Variants in SOX6 observed in about 807,000 individuals in gnomAD.
SOX6 encodes the protein SRY-box transcription factor 6, also known as transcription factor SOX-6.
SOX6 carries 11 observed loss-of-function variants against 97.8 expected under a neutral mutation model. The ratio of observed to expected loss-of-function variants is 0.11; its 90% CI spans 0.07 to 0.19. The LOEUF (loss-of-function observed/expected upper bound fraction) is 0.19, where lower values mean the gene tolerates loss of function less well. SOX6 is among the 10% of genes least tolerant of loss of function. The pLI, the probability that SOX6 is intolerant of heterozygous loss-of-function variation, is 1.00. For missense variants in SOX6, 810 were observed against 1,039.5 expected, an observed-to-expected ratio of 0.78 and a Z score of 3.04; for synonymous variants, 360 against 371.4, an observed-to-expected ratio of 0.97 and a Z score of 0.35.
At chr11:16,019,166 G>C (rs1263518419) in intron 12 of SOX6, among the ~76,000 whole-genome samples, 1 of 152,098 alleles carries the variant, frequency 6.6e-6, no homozygotes, top group African/African-American at 2.4e-5. Context: ...AGACTGACCA[G>C]TGTGTACCAG....
At position 16,234,646 on chromosome 11, in the gene SOX6, A is replaced by G. The variant is rs777509203; in HGVS notation, c.471T>C (p.Leu157=). The change falls in exon 4 of 16, where the codon CTT becomes CTC. Residue 157 remains leucine (L), a synonymous_variant. Transcript: ENST00000683767. The part of the protein sequence containing the change: ...QEDSSCMEKL[L]SKDWKEKMER... ...CCATTTTTTCCTTCCAATCTTTTGA[A>G]AGTAGTTTTTCCATGCAGGAGGAAT... 1 of 1,595,100 alleles carries G rather than the reference A, an allele frequency of 6.3e-7. No individual in the cohort carries two copies. The highest frequency in any genetic ancestry group is 1.1e-5 in the South Asian group (1 of 89,480).
At chr11:16,537,270 A>G (rs1216584483) in intron 4 of SOX6, among the ~76,000 whole-genome samples, 4 of 152,214 alleles carry the variant, frequency 2.6e-5, no homozygotes, top group Non-Finnish European at 1.5e-5. Context: ...AGAAAGGAAT[A>G]GCATCAACAT....
intron 4 of SOX6, among the ~76,000 whole-genome samples, chr11:16,515,398 G>C (rs1303952137): frequency 6.8e-6 from 1 of 147,210 alleles, no homozygotes; most frequent in South Asian, 2.2e-4. Context: ...GGGGTTGTTT[G>C]TTTTTTTCTT....
intron 6 of SOX6, among the ~76,000 whole-genome samples, chr11:16,149,506 A>T (rs942038886): frequency 6.6e-6 from 1 of 152,122 alleles, no homozygotes; most frequent in Non-Finnish European, 1.5e-5. Context: ...GTCATTAAAG[A>T]CCATAAATTC....
At chr11:16,053,983 A>G (rs1220936691) in intron 10 of SOX6, among the ~76,000 whole-genome samples, 3 of 152,150 alleles carry the variant, frequency 2.0e-5, no homozygotes, top group Non-Finnish European at 4.4e-5. Context: ...AAAAAATCTA[A>G]TAAGTAAAAG....
chr11:16,190,852 G>A (rs140179189), intron 4 of SOX6, among the ~76,000 whole-genome samples: 2,140 of 152,210 alleles, frequency 0.014, 17 homozygotes, highest in Non-Finnish European at 0.022. Context: ...CGGGTATAAT[G>A]GTTTGAAGCC....
intron 3 of SOX6, among the ~76,000 whole-genome samples, chr11:16,701,624 G>A (rs1245058452): frequency 6.6e-6 from 1 of 151,920 alleles, no homozygotes; most frequent in East Asian, 1.9e-4. Context: ...TTGGGAGGCC[G>A]AGGCAGGCGG....
At position 15,966,867 on chromosome 11, in the gene SOX6, C is replaced by T. The variant is rs1386015610; in HGVS notation, c.*5942G>A. On this transcript the variant is annotated 3_prime_UTR_variant, in exon 16 of 16. Coordinates refer to ENST00000683767, the MANE Select transcript of SOX6 (RefSeq NM_001367873.1). ...ACAAAATCCAAGAAGTTTGTGTATG[C>T]AACAAAGCTAAGAACAATGATTCAT... is the stretch of plus-strand genomic sequence containing the variant. 2 of 152,140 alleles carry T rather than the reference C, an allele frequency of 1.3e-5. No homozygotes were observed. The highest frequency in any genetic ancestry group is 2.9e-5 in the Non-Finnish European group (2 of 68,016). 9.4% of individuals were successfully genotyped at this position (152,140 alleles called of 1,614,324 possible).
intron 9 of SOX6, among the ~76,000 whole-genome samples, chr11:16,060,838 T>C (rs1426687449): frequency 1.3e-5 from 2 of 151,884 alleles, no homozygotes; most frequent in Admixed American, 6.6e-5. Flanking sequence ...TTAAACTTCA[T>C]GTGTAATTAT....
chr11:16,266,371 A>C (rs1051402881), intron 3 of SOX6, among the ~76,000 whole-genome samples: 6 of 151,706 alleles, frequency 4.0e-5, no homozygotes, highest in Non-Finnish European at 5.9e-5. Flanking sequence ...AATTTTAGAC[A>C]CATAAAAGCT....
At chr11:16,666,519 T>G (rs1436467419) in intron 3 of SOX6, among the ~76,000 whole-genome samples, 1 of 152,108 alleles carries the variant, frequency 6.6e-6, no homozygotes, top group South Asian at 2.1e-4. Flanking sequence ...TGAAAATATA[T>G]AGTCGGCTGG....
At chr11:16,302,347 T>A (rs1334079477) in intron 3 of SOX6, among the ~76,000 whole-genome samples, 2 of 152,144 alleles carry the variant, frequency 1.3e-5, no homozygotes, top group Admixed American at 6.5e-5. Context: ...CCTGTCCTAG[T>A]CACACCAAAC....
chr11:16,026,717 A>G, intron 12 of SOX6, among the ~76,000 whole-genome samples: 1 of 152,190 alleles, frequency 6.6e-6, no homozygotes, highest in South Asian at 2.1e-4. Flanking sequence ...GATGTCACAA[A>G]TGAGTATTCA....
At chr11:16,134,830 A>G (rs547406393) in intron 6 of SOX6, among the ~76,000 whole-genome samples, 13 of 152,294 alleles carry the variant, frequency 8.5e-5, no homozygotes, top group African/African-American at 2.4e-4. Flanking sequence ...AATTAGGCCA[A>G]TTAATAACTC....
chr11:16,381,744 C>T (rs1399127836), intron 1 of SOX6, among the ~76,000 whole-genome samples: 4 of 151,804 alleles, frequency 2.6e-5, no homozygotes, highest in East Asian at 1.9e-4. Flanking sequence ...CATCTTTCAC[C>T]GACTTCCATA....
At chr11:16,303,324 T>A (rs1245218481) in intron 3 of SOX6, among the ~76,000 whole-genome samples, 2 of 152,202 alleles carry the variant, frequency 1.3e-5, no homozygotes, top group African/African-American at 4.8e-5. Context: ...AGACTAAAGA[T>A]ATGGTATGTG....
intron 1 of SOX6, among the ~76,000 whole-genome samples, chr11:16,395,764 A>T (rs1858335839): frequency 6.6e-6 from 1 of 151,864 alleles, no homozygotes; most frequent in Admixed American, 6.6e-5. Context: ...TTTAAGAAGC[A>T]TGGGAATGAA....
chr11:16,122,338 T>C (rs1849513339), intron 6 of SOX6, among the ~76,000 whole-genome samples: 1 of 152,030 alleles, frequency 6.6e-6, no homozygotes, highest in South Asian at 2.1e-4. Context: ...CCCTGTCTTA[T>C]TTCCAGAGAA....
intron 4 of SOX6, among the ~76,000 whole-genome samples, chr11:16,562,055 C>T (rs1195957335): frequency 6.6e-6 from 1 of 152,136 alleles, no homozygotes; most frequent in Non-Finnish European, 1.5e-5. Context: ...CTCTAATTCT[C>T]ACAAGTATAC....
Sources: gnomAD v4.1 joint callset for allele counts (sites outside exome capture counted in the v4.1 genomes callset) on GRCh38, gnomAD v4.1.1 for gene constraint, MANE v1.5 for transcripts, NCBI Gene and HGNC (gene_info 2026-07-23, HGNC 2026-07-21) for gene names.